The following ABI3BP variants were observed in gnomAD, a reference collection of about 807,000 sequenced individuals.
ABI3BP encodes ABI family member 3 binding protein, also known as target of Nesh-SH3.
Under a neutral mutation model 268.6 loss-of-function variants are expected in ABI3BP, and 216 were observed. The observed-to-expected ratio is 0.80, with a 90% CI of 0.72 to 0.90. The LOEUF is 0.90. ABI3BP is among the 40% of genes least tolerant of loss of function. The pLI, the probability that ABI3BP is intolerant of heterozygous loss-of-function variation, is 0.00. For missense variants in ABI3BP, 2,090 were observed against 2,182.4 expected, an observed-to-expected ratio of 0.96 and a Z score of 0.84; for synonymous variants, 730 against 730.0, an observed-to-expected ratio of 1.00 and a Z score of 0.00.
intron 24 of ABI3BP, among the ~76,000 whole-genome samples, chr3:100,839,098 C>T (rs2098653731): frequency 6.6e-6 from 1 of 152,096 alleles, no homozygotes; most frequent in East Asian, 1.9e-4. Flanking sequence ...CTATCCATAC[C>T]TATTCAAAAA....
Position 100,808,152 on chromosome 3 carries a change from T to C in ABI3BP, c.3682+9A>G. The C allele has an allele frequency of 6.2e-7, 1 of 1,609,012 alleles. No individual in the cohort carries two copies. The highest frequency in any genetic ancestry group is 8.5e-7 in the Non-Finnish European group (1 of 1,176,938). ...ACTTTTCAAGCTAAAATGTAAAATA[T>C]ATATTTACCTGGTTGTGTTTGTGGG... On this transcript the variant is annotated intron_variant, in intron 50 of 67. Coordinates refer to ENST00000471714, the MANE Select transcript of ABI3BP (RefSeq NM_001375547.2).
chr3:100,937,536 G>A (rs914715843), intron 1 of ABI3BP, among the ~76,000 whole-genome samples: 3 of 151,970 alleles, frequency 2.0e-5, no homozygotes, highest in Non-Finnish European at 4.4e-5. Flanking sequence ...CTGGCATGCC[G>A]TTACGCTACT....
Position 100,938,414 on chromosome 3 carries a change from C to T in ABI3BP, c.80-11933G>A, listed in dbSNP as rs116127650. Among the ~76,000 whole-genome samples, 320 of 152,102 alleles carry T rather than the reference C, an allele frequency of 2.1e-3. 3 individuals are homozygous for T. Among genetic ancestry groups the T allele is most frequent in the African/African-American group, 7.4e-3 (308 of 41,520 alleles). On this transcript the variant is annotated intron_variant, in intron 1 of 67. Coordinates refer to ENST00000471714, the MANE Select transcript of ABI3BP (RefSeq NM_001375547.2). ...TGGGCTTTCTGTTCAAATGACTCTC[C>T]CTGTCCTGCCACCAGGAATCCAAGG...
intron 53 of ABI3BP, 113 bp downstream of exon 53, chr3:100,795,691 A>G: frequency 1.2e-6 from 1 of 853,908 alleles, no homozygotes; most frequent in Non-Finnish European, 1.6e-6. Context: ...AATGAGAATG[A>G]AATGATGAAT....
At chr3:100,881,525 T>C (rs116885413) in intron 6 of ABI3BP, among the ~76,000 whole-genome samples, 2 of 152,316 alleles carry the variant, frequency 1.3e-5, no homozygotes, top group East Asian at 3.9e-4. Flanking sequence ...AATATTGATT[T>C]TGTTTAGCTA....
rs796948615 is a variant in ABI3BP at position 100,861,064 on chromosome 3, G to A, written c.1285+1247C>T. Reference sequence around the variant, plus strand: ...CCAGGCGACTTGGATTGCTAAAGGGGTTTTTGCACCCACTTTAGTTAATTG... The same window carrying A: ...CCAGGCGACTTGGATTGCTAAAGGGATTTTTGCACCCACTTTAGTTAATTG... On this transcript the variant is annotated intron_variant, in intron 14 of 67. Coordinates refer to ENST00000471714, the MANE Select transcript of ABI3BP (RefSeq NM_001375547.2). Among the ~76,000 whole-genome samples the A allele has an allele frequency of 7.2e-5, 11 of 152,274 alleles. 1 individual carries two copies. The highest frequency in any genetic ancestry group is 2.6e-4 in the African/African-American group (11 of 41,560).
chr3:100,793,895 T>G (rs1005175994), intron 54 of ABI3BP, among the ~76,000 whole-genome samples: 1 of 151,960 alleles, frequency 6.6e-6, no homozygotes, highest in African/African-American at 2.4e-5. Flanking sequence ...AAACTGGAGT[T>G]TCCCACACAG....
chr3:100,820,441 T>G (rs1233624986), intron 39 of ABI3BP, 138 bp from the exon 40 acceptor site: 1 of 543,922 alleles, frequency 1.8e-6, no homozygotes, highest in African/African-American at 1.9e-5. Flanking sequence ...ACTTTTTAAT[T>G]AGAAACATTC....
At chr3:100,892,307 A>T (rs2153441652) in intron 4 of ABI3BP, among the ~76,000 whole-genome samples, 3 of 152,354 alleles carry the variant, frequency 2.0e-5, no homozygotes, top group Middle Eastern at 6.8e-3. Flanking sequence ...ACACACACAC[A>T]TAAAAACCAG....
At chr3:100,970,667 C>T (rs1221216166) in intron 1 of ABI3BP, among the ~76,000 whole-genome samples, 1 of 152,226 alleles carries the variant, frequency 6.6e-6, no homozygotes, top group Non-Finnish European at 1.5e-5. Context: ...CAAGTGGCAG[C>T]ACGAGTTCCT....
chr3:100,770,926 G>T lies in ABI3BP; in HGVS notation c.4558C>A (p.Pro1520Thr). Residue 1520 changes from proline to threonine, a missense_variant, in exon 62 of 68, where the codon CCT becomes ACT. Physicochemically the swap from Pro to Thr is conservative, Grantham distance 38 (BLOSUM62 -1). Coordinates refer to ENST00000471714, the MANE Select transcript of ABI3BP (RefSeq NM_001375547.2). Reference protein sequence around the residue: ...KGPHVRYIQKPDNSPCSITDS... With the variant: ...KGPHVRYIQKTDNSPCSITDS... Reference sequence around the variant, plus strand: ...GTAATGGAGCAGGGACTGTTGTCAGGCTTTTGGATGTATCGCACATGAGGT... The same window carrying T: ...GTAATGGAGCAGGGACTGTTGTCAGTCTTTTGGATGTATCGCACATGAGGT... 1 of 1,591,126 alleles carries T rather than the reference G, an allele frequency of 6.3e-7. No individual in the cohort carries two copies. The highest frequency in any genetic ancestry group is 8.6e-7 in the Non-Finnish European group (1 of 1,168,600).
intron 1 of ABI3BP, among the ~76,000 whole-genome samples, chr3:100,976,016 C>G (rs2086015246): frequency 3.3e-5 from 5 of 152,114 alleles, no homozygotes; most frequent in Admixed American, 3.3e-4. Flanking sequence ...AAGGCCTTAG[C>G]AACTGGTGAT....
intron 1 of ABI3BP, among the ~76,000 whole-genome samples, chr3:100,939,197 G>T (rs2153702314): frequency 6.6e-6 from 1 of 152,202 alleles, no homozygotes; most frequent in Non-Finnish European, 1.5e-5. Flanking sequence ...ATTTCTGAGT[G>T]CTTACAGAGA....
chr3:100,814,367 A>T (rs909804092), intron 44 of ABI3BP, among the ~76,000 whole-genome samples: 5 of 152,056 alleles, frequency 3.3e-5, no homozygotes, highest in African/African-American at 4.8e-5. Context: ...GTTTTGTTCT[A>T]TATTTTAGTT....
At position 100,750,475 on chromosome 3, in the gene ABI3BP, A is replaced by G. The variant is rs1295925221; in HGVS notation, c.*20T>C. The G allele has an allele frequency of 6.4e-7, 1 of 1,563,726 alleles. No individual in the cohort carries two copies. Among genetic ancestry groups the G allele is most frequent in the Non-Finnish European group, 8.8e-7 (1 of 1,137,378 alleles). On this transcript the variant is annotated 3_prime_UTR_variant, in exon 68 of 68. Coordinates refer to ENST00000471714, the MANE Select transcript of ABI3BP (RefSeq NM_001375547.2). ...ATTTTTGTTTGCAATGATGAAACAG[A>G]AGGTAACTTTGTGCAGCATCTACCA... is the stretch of plus-strand genomic sequence containing the variant.
At chr3:100,830,524 T>C in intron 32 of ABI3BP, 54 bp downstream of exon 32, 2 of 1,438,990 alleles carry the variant, frequency 1.4e-6, no homozygotes, top group Non-Finnish European at 1.9e-6. Context: ...TGGTGATGAA[T>C]GGGTTTGAAA....
chr3:100,844,390 C>T (rs759769938), intron 20 of ABI3BP: 264 of 985,342 alleles, frequency 2.7e-4, no homozygotes, highest in Non-Finnish European at 3.0e-4. Context: ...TTGAGAAATG[C>T]GCTGAATTGT....
chr3:100,936,818 G>T (rs2066372359), intron 1 of ABI3BP, among the ~76,000 whole-genome samples: 1 of 152,026 alleles, frequency 6.6e-6, no homozygotes, highest in South Asian at 2.1e-4. Context: ...GGGATTGGTG[G>T]TAATATCCCC....
chr3:100,867,887 C>A (rs965444270), intron 9 of ABI3BP, among the ~76,000 whole-genome samples: 2 of 151,970 alleles, frequency 1.3e-5, no homozygotes, highest in African/African-American at 4.8e-5. Context: ...CCTCTTTATG[C>A]AACTATTTGA....
Sources: gnomAD v4.1 joint callset for allele counts (sites outside exome capture counted in the v4.1 genomes callset) on GRCh38, gnomAD v4.1.1 for gene constraint, MANE v1.5 for transcripts, NCBI Gene and HGNC (gene_info 2026-07-23, HGNC 2026-07-21) for gene names.